Variants in ZNF469 observed in about 807,000 individuals in gnomAD.
ZNF469 encodes zinc finger protein 469.
In ZNF469, 1 loss-of-function variant was observed where a neutral mutation model predicts 1.0. That is an observed-to-expected ratio of 1.00 (90% CI 0.35 to 4.73). The LOEUF is 4.73. Among genes scored for constraint, ZNF469 ranks in the 30% most tolerant of loss-of-function variants. The pLI, the probability that ZNF469 is intolerant of heterozygous loss-of-function variation, is 0.16. For missense variants in ZNF469, 6,100 were observed against 5,356.3 expected (o/e 1.14, Z -4.33); for synonymous variants, 2,703 against 2,363.4 (o/e 1.14, Z -4.17).
the ZNF469 span, among the ~76,000 whole-genome samples, chr16:88,222,226 A>C: frequency 3.3e-5 from 5 of 152,220 alleles, no homozygotes; most frequent in Non-Finnish European, 7.3e-5. Flanking sequence ...AGCACTGGCT[A>C]CACACCCACT....
chr16:88,360,516 CCCAGACAGCGCCT>C, the ZNF469 span, among the ~76,000 whole-genome samples: 6 of 144,080 alleles, frequency 4.2e-5, no homozygotes, highest in African/African-American at 1.1e-4. Context: ...GCAGTCCACC[CCCAGACAGCGCCT>C]GCATGCTCCC....
At chr16:88,359,590 C>T in the ZNF469 span, among the ~76,000 whole-genome samples, 43 of 152,288 alleles carry the variant, frequency 2.8e-4, no homozygotes, top group Middle Eastern at 3.4e-3. Context: ...GAAGTGTCTG[C>T]TCGAGTTTCA....
At chr16:88,273,068 G>T in the ZNF469 span, among the ~76,000 whole-genome samples, 9 of 150,738 alleles carry the variant, frequency 6.0e-5, no homozygotes, top group Admixed American at 4.0e-4. Context: ...ATGGATGAAC[G>T]GTGGATAAAT....
Position 88,434,144 on chromosome 16 carries a change from C to G in ZNF469, c.6674C>G (p.Pro2225Arg). 6.5e-7 allele frequency: 1 copy of G among 1,550,368 alleles called. No individual in the cohort carries two copies. Among genetic ancestry groups the G allele is most frequent in the South Asian group, 1.2e-5 (1 of 84,066 alleles). ...GGGGAGGGCAGCCCCCTGGAAGACC[C>G]TTCCTCCTGGCCTCCTGGCTCCGTC... The part of the protein sequence containing the change: ...LQGEGSPLED[P>R]SSWPPGSVSA... The change falls in exon 3 of 3, where the codon CCT becomes CGT. Residue 2225 changes from proline to arginine, a missense_variant. Coordinates refer to ENST00000565624, the MANE Select transcript of ZNF469 (RefSeq NM_001367624.2).
chr16:88,188,703 G>A, the ZNF469 span, among the ~76,000 whole-genome samples: 3 of 152,232 alleles, frequency 2.0e-5, no homozygotes, highest in South Asian at 2.1e-4. Flanking sequence ...CTGGGAACAC[G>A]GATCCCAGTC....
the ZNF469 span, among the ~76,000 whole-genome samples, chr16:88,293,002 A>C: frequency 6.6e-6 from 1 of 152,152 alleles, no homozygotes; most frequent in Non-Finnish European, 1.5e-5. Context: ...AAAGATTGAG[A>C]TCAATGGCAT....
chr16:88,321,295 G>T, the ZNF469 span, among the ~76,000 whole-genome samples: 1 of 152,274 alleles, frequency 6.6e-6, no homozygotes, highest in African/African-American at 2.4e-5. Context: ...CAGCCTTCAG[G>T]CAGAATCCAC....
At chr16:88,118,633 C>T in the ZNF469 span, among the ~76,000 whole-genome samples, 28 of 152,370 alleles carry the variant, frequency 1.8e-4, no homozygotes, top group East Asian at 3.9e-4. Flanking sequence ...CTTCAGAGTG[C>T]GCTGATCCAG....
chr16:88,393,848 C>T (rs1054810313), intron 1 of ZNF469, among the ~76,000 whole-genome samples: 5 of 152,220 alleles, frequency 3.3e-5, no homozygotes, highest in Admixed American at 6.5e-5. Context: ...GGTCTCCGGC[C>T]AGCAGCTTTG....
the ZNF469 span, among the ~76,000 whole-genome samples, chr16:88,291,950 T>G: frequency 6.6e-6 from 1 of 152,204 alleles, no homozygotes; most frequent in East Asian, 1.9e-4. Context: ...CCTTGATGGC[T>G]GCTGGCTGCC....
chr16:88,415,944 G>A (rs1050933718), intron 1 of ZNF469, among the ~76,000 whole-genome samples: 2 of 152,340 alleles, frequency 1.3e-5, no homozygotes, highest in South Asian at 2.1e-4. Context: ...GCTTCCCAGC[G>A]CTGCAGAGCC....
At chr16:88,318,295 C>T in the ZNF469 span, among the ~76,000 whole-genome samples, 4 of 152,346 alleles carry the variant, frequency 2.6e-5, no homozygotes, top group Admixed American at 6.5e-5. Context: ...CTGTTACATT[C>T]GGCAGGGGCT....
At chr16:88,319,333 C>G in the ZNF469 span, among the ~76,000 whole-genome samples, 1 of 152,030 alleles carries the variant, frequency 6.6e-6, no homozygotes, top group Non-Finnish European at 1.5e-5. Context: ...CTGACTGAGC[C>G]GAAGGGGGCT....
At chr16:88,185,531 A>T in the ZNF469 span, among the ~76,000 whole-genome samples, 2 of 149,360 alleles carry the variant, frequency 1.3e-5, no homozygotes, top group Non-Finnish European at 3.0e-5. Flanking sequence ...ATGTGACCAG[A>T]CCCACACCCA....
At chr16:88,217,046 T>G in the ZNF469 span, among the ~76,000 whole-genome samples, 1 of 152,236 alleles carries the variant, frequency 6.6e-6, no homozygotes, top group African/African-American at 2.4e-5. Context: ...GCTTGCAAAA[T>G]CTGTTATCTG....
chr16:88,137,612 G>A, the ZNF469 span, among the ~76,000 whole-genome samples: 19 of 149,320 alleles, frequency 1.3e-4, no homozygotes, highest in East Asian at 5.8e-4. Flanking sequence ...ACAGCTATGC[G>A]TGCATACCAC....
the ZNF469 span, among the ~76,000 whole-genome samples, chr16:88,224,231 G>A: frequency 2.0e-5 from 3 of 152,262 alleles, no homozygotes; most frequent in South Asian, 6.2e-4. Flanking sequence ...CAGAACCAGC[G>A]GCCCCAGGAC....
At chr16:88,421,477 T>C (rs1178414695) in intron 1 of ZNF469, among the ~76,000 whole-genome samples, 1 of 152,122 alleles carries the variant, frequency 6.6e-6, no homozygotes, top group African/African-American at 2.4e-5. Flanking sequence ...CTGGAGCACA[T>C]GCCGCCCCAT....
rs930397228 is a variant in ZNF469, at chr16:88,427,467, G to A, written c.-4G>A. On this transcript the variant is annotated 5_prime_UTR_variant, in exon 3 of 3. Coordinates refer to ENST00000565624, the MANE Select transcript of ZNF469 (RefSeq NM_001367624.2). ...CGTCGTCCTAGCGCCAGGACGGAGG[G>A]GCCATGCCTGGGGAGCGCCCCCGAG... 9 of 1,504,582 alleles carry A rather than the reference G, an allele frequency of 6.0e-6. No individual in the cohort carries two copies. Among genetic ancestry groups the A allele is most frequent in the Admixed American group, 2.1e-5 (1 of 48,286 alleles). The allele number at this position is 1,504,582 out of a possible 1,614,324, so 93.2% of individuals were successfully genotyped here. A position where few individuals can be genotyped will look rare whatever the true frequency, so the allele number is the denominator to read the frequency against.
Sources: gnomAD v4.1 joint callset for allele counts (sites outside exome capture counted in the v4.1 genomes callset) on GRCh38, gnomAD v4.1.1 for gene constraint, MANE v1.5 for transcripts, NCBI Gene and HGNC (gene_info 2026-07-23, HGNC 2026-07-21) for gene names.